The following CACNA1D variants were observed in gnomAD, a reference collection of about 807,000 sequenced individuals.
CACNA1D encodes the protein voltage-dependent L-type calcium channel subunit alpha-1D.
A neutral mutation model predicts 257.1 loss-of-function variants in CACNA1D; 55 were observed. The observed-to-expected ratio is 0.21, with a 90% CI of 0.17 to 0.27. The LOEUF (loss-of-function observed/expected upper bound fraction) is 0.27, where lower values mean the gene tolerates loss of function less well. Ranked by LOEUF, CACNA1D falls within the 10% of genes least tolerant of loss-of-function variation. CACNA1D has a pLI of 1.00. For missense variants in CACNA1D, 1,876 were observed against 2,784.0 expected, an observed-to-expected ratio of 0.67 and a Z score of 7.34; for synonymous variants, 980 against 1,014.9, an observed-to-expected ratio of 0.97 and a Z score of 0.65.
chr3:53,497,445 A>G lies in CACNA1D; in HGVS notation c.361A>G (p.Ser121Gly). The change falls in exon 2 of 48, where the codon AGT (serine) becomes GGT (glycine). Residue 121 changes from serine (S) to glycine (G), a missense_variant. Transcript: ENST00000350061. Reference protein sequence around the residue: ...LNNPIRRACISIVEWKPFDIF... With the variant: ...LNNPIRRACIGIVEWKPFDIF... The stretch of plus-strand genomic sequence containing the variant: ...TAACCCCATCCGAAGAGCCTGCATT[A>G]GTATAGTGGAATGGAAGTATCCTTT... 3 of 1,614,146 alleles carry G rather than the reference A, an allele frequency of 1.9e-6. No individual in the cohort carries two copies. The highest frequency in any genetic ancestry group is 2.5e-6 in the Non-Finnish European group (3 of 1,180,008).
chr3:53,697,764 T>A (rs2094585340), intron 8 of CACNA1D, among the ~76,000 whole-genome samples: 1 of 152,252 alleles, frequency 6.6e-6, no homozygotes, highest in African/African-American at 2.4e-5. Flanking sequence ...GTTATTTCAG[T>A]GCTCAAATTT....
intron 12 of CACNA1D, 152 bp downstream of exon 12, chr3:53,722,626 AC>A: frequency 1.2e-6 from 1 of 830,460 alleles, no homozygotes; most frequent in Non-Finnish European, 2.0e-6. Flanking sequence ...CACAGCAACT[AC>A]CAGAGCGAGG....
At chr3:53,776,131 A>G in intron 35 of CACNA1D, 86 bp downstream of exon 35, 5 of 1,230,312 alleles carry the variant, frequency 4.1e-6, no homozygotes, top group South Asian at 1.2e-5. Flanking sequence ...GCCCTGTCCC[A>G]TCGCCTGAGG....
intron 3 of CACNA1D, among the ~76,000 whole-genome samples, chr3:53,597,220 TCTC>T (rs3836504): frequency 0.21 from 31,619 of 152,062 alleles, 4,020 homozygotes; most frequent in African/African-American, 0.36. Flanking sequence ...CCAATAAAAA[TCTC>T]CTGTCTTTTT....
intron 9 of CACNA1D, among the ~76,000 whole-genome samples, chr3:53,705,996 A>C (rs901808991): frequency 6.6e-6 from 1 of 152,200 alleles, no homozygotes; most frequent in Admixed American, 6.5e-5. Context: ...TCTGATTAGC[A>C]GGCAGTAGAA....
At chr3:53,649,453 G>A (rs924837920) in intron 3 of CACNA1D, among the ~76,000 whole-genome samples, 18 of 152,176 alleles carry the variant, frequency 1.2e-4, no homozygotes, top group African/African-American at 2.4e-4. Flanking sequence ...ATAGAGAATC[G>A]CTCTTGTCAG....
At chr3:53,594,749 C>T (rs180721698) in intron 3 of CACNA1D, among the ~76,000 whole-genome samples, 1 of 152,370 alleles carries the variant, frequency 6.6e-6, no homozygotes, top group Admixed American at 6.5e-5. Flanking sequence ...TTCTTGAAGC[C>T]TTCTTACCTT....
At chr3:53,674,173 TC>T (rs1009634484) in intron 8 of CACNA1D, 1 of 389,194 alleles carries the variant, frequency 2.6e-6, no homozygotes, top group African/African-American at 2.1e-5. Context: ...AGTACATAAC[TC>T]CTTGTCGTTT....
At chr3:53,634,446 G>A (rs932954513) in intron 3 of CACNA1D, among the ~76,000 whole-genome samples, 7 of 152,146 alleles carry the variant, frequency 4.6e-5, no homozygotes, top group African/African-American at 1.4e-4. Flanking sequence ...GCTTGTTTAT[G>A]TATATGGTTT....
At chr3:53,700,037 A>G (rs2094608255) in intron 8 of CACNA1D, among the ~76,000 whole-genome samples, 4 of 149,932 alleles carry the variant, frequency 2.7e-5, no homozygotes, top group Admixed American at 2.7e-4. Flanking sequence ...TTCATTTTAT[A>G]ATGTATGTAA....
chr3:53,810,268 G>A lies in CACNA1D; in HGVS notation c.6162G>A (p.Lys2054=), dbSNP rs876657434. 4 of 1,613,810 alleles carry A rather than the reference G, an allele frequency of 2.5e-6. No individual in the cohort carries two copies. The highest frequency in any genetic ancestry group is 3.4e-6 in the Non-Finnish European group (4 of 1,180,038). Reference sequence around the variant, plus strand: ...GCTTCCGGAACAAAAACAGCGACAAGCAGAGGAGTGCGGACAGCTTGGTGG... The same window carrying A: ...GCTTCCGGAACAAAAACAGCGACAAACAGAGGAGTGCGGACAGCTTGGTGG... The part of the protein sequence containing the change: ...PSSFRNKNSD[K]QRSADSLVEA... Residue 2054 remains lysine, a synonymous_variant, in exon 47 of 48, where the codon AAG becomes AAA. Coordinates refer to ENST00000350061, the MANE Select transcript of CACNA1D (RefSeq NM_001128840.3).
At chr3:53,780,263 T>C (rs2095418928) in intron 38 of CACNA1D, 135 bp downstream of exon 38, 8 of 736,650 alleles carry the variant, frequency 1.1e-5, no homozygotes, top group Admixed American at 1.9e-5. Flanking sequence ...AGAATGAAGA[T>C]GTCCATGCTG....
chr3:53,594,799 G>A (rs1157567738), intron 3 of CACNA1D, among the ~76,000 whole-genome samples: 1 of 152,222 alleles, frequency 6.6e-6, no homozygotes, highest in East Asian at 1.9e-4. Context: ...TGTGTATGTG[G>A]CAGCCACTGT....
intron 7 of CACNA1D, among the ~76,000 whole-genome samples, chr3:53,670,157 TC>T (rs1295899253): frequency 1.3e-5 from 2 of 152,064 alleles, no homozygotes; most frequent in Non-Finnish European, 2.9e-5. Flanking sequence ...AAGCTGACAG[TC>T]TCCTTCATTC....
At position 53,810,250 on chromosome 3, in the gene CACNA1D, G is replaced by T. The variant is rs1471633480; in HGVS notation, c.6144G>T (p.Arg2048=). The change falls in exon 47 of 48, where the codon CGG becomes CGT. Residue 2048 remains arginine, a synonymous_variant. Transcript: ENST00000350061. ...PASLTVPSSF[R]NKNSDKQRSA... ...GCCTGACTGTCCCCAGCAGCTTCCG[G>T]AACAAAAACAGCGACAAGCAGAGGA... The T allele has an allele frequency of 1.9e-6, 3 of 1,613,882 alleles. No homozygotes were observed. The highest frequency in any genetic ancestry group is 2.5e-6 in the Non-Finnish European group (3 of 1,180,046).
At chr3:53,770,952 G>C (rs891487628) in intron 32 of CACNA1D, among the ~76,000 whole-genome samples, 1 of 152,218 alleles carries the variant, frequency 6.6e-6, no homozygotes, top group African/African-American at 2.4e-5. Flanking sequence ...TGCTGTGTCT[G>C]TTGGCTAGTC....
chr3:53,606,760 C>A (rs963026706), intron 3 of CACNA1D, among the ~76,000 whole-genome samples: 1 of 152,162 alleles, frequency 6.6e-6, no homozygotes, highest in Non-Finnish European at 1.5e-5. Context: ...AACTACCAAC[C>A]CACTCAAGAT....
Position 53,726,987 on chromosome 3 carries a change from A to G in CACNA1D, c.2209A>G (p.Ile737Val), listed in dbSNP as rs2108742608. 1.2e-6 allele frequency: 2 copies of G among 1,614,022 alleles called. No individual in the cohort carries two copies. Among genetic ancestry groups the G allele is most frequent in the Non-Finnish European group, 1.7e-6 (2 of 1,179,978 alleles). The change falls in exon 15 of 48, where the codon ATT (isoleucine) becomes GTT (valine). Residue 737 changes from isoleucine (I) to valine (V), a missense_variant. Physicochemically the swap from Ile to Val is conservative, Grantham distance 29. This residue lies in a region of CACNA1D where 257 missense variants were observed against 399.7 expected (regional missense o/e 0.64). Transcript: ENST00000350061. ...IVCIYFIILF[I>V]CGNYILLNVF... ...CTGCATCTACTTCATCATCCTCTTC[A>G]TTTGTGGTAACTGTATCCTTCAAGC...
At chr3:53,804,658 G>A (rs1277569516) in intron 44 of CACNA1D, among the ~76,000 whole-genome samples, 1 of 152,238 alleles carries the variant, frequency 6.6e-6, no homozygotes, top group Non-Finnish European at 1.5e-5. Context: ...CCAGCACCTG[G>A]CAGAGGGAAG....
Sources: allele counts gnomAD v4.1 joint callset (sites outside exome capture counted in the v4.1 genomes callset), GRCh38; gene constraint gnomAD v4.1.1; regional missense constraint gnomAD v4.1.1; transcripts MANE v1.5; gene names NCBI Gene and HGNC (gene_info 2026-07-23, HGNC 2026-07-21).